FLNB: variants seen among roughly 807,000 people sequenced by gnomAD.
FLNB encodes filamin-B.
A neutral mutation model predicts 250.6 loss-of-function variants in FLNB; 111 were observed. That is an observed-to-expected ratio of 0.44 (90% confidence interval 0.38 to 0.52). FLNB has a LOEUF of 0.52. FLNB is among the 20% of genes least tolerant of loss of function. The pLI is 0.00. For synonymous variants in FLNB, 1,302 were observed against 1,372.1 expected (o/e 0.95, Z 1.13); for missense variants, 2,869 against 3,447.8 (o/e 0.83, Z 4.20).
intron 43 of FLNB, chr3:58,165,163 G>A (rs2097368299): frequency 6.6e-6 from 1 of 152,354 alleles, no homozygotes; most frequent in African/African-American, 2.4e-5. Context: ...CAGCTGCTGG[G>A]GTCTCCCACA....
At chr3:58,145,884 T>C (rs1205522851) in intron 32 of FLNB, 37 bp from the exon 33 acceptor site, 19 of 1,613,792 alleles carry the variant, frequency 1.2e-5, no homozygotes, top group Admixed American at 1.7e-5. Flanking sequence ...CACCCCTTAA[T>C]GAGCACCAAT....
rs777069691 is a variant in FLNB at position 58,168,584 on chromosome 3, G to A, written c.7343G>A (p.Gly2448Asp). The A allele has an allele frequency of 1.2e-6, 2 of 1,614,198 alleles. No individual in the cohort carries two copies. The highest frequency in any genetic ancestry group is 2.2e-5 in the South Asian group (2 of 91,074). Reference sequence around the variant, plus strand: ...GTCATGTACACCCCCATGGCTCCTGGTAACTACCTGATCAGCGTCAAATAC... The same window carrying A: ...GTCATGTACACCCCCATGGCTCCTGATAACTACCTGATCAGCGTCAAATAC... ...YKVMYTPMAPGNYLISVKYGG... is the reference protein window; with the variant it reads ...YKVMYTPMAPDNYLISVKYGG... Residue 2448 changes from glycine to aspartate, a missense_variant, in exon 44 of 46, where the codon GGT becomes GAT. Physicochemically the swap from Gly to Asp is moderately conservative, Grantham distance 94. This residue lies in a region of FLNB where 1,084 missense variants were observed against 1,315.5 expected (regional missense o/e 0.82). Coordinates refer to ENST00000295956, the MANE Select transcript of FLNB (RefSeq NM_001457.4).
intron 34 of FLNB, among the ~76,000 whole-genome samples, chr3:58,147,219 T>G (rs768002516): frequency 6.6e-6 from 1 of 152,232 alleles, no homozygotes. Context: ...GGAGCACACT[T>G]TTATTGTGCC....
At chr3:58,103,265 G>GGGGTGTGT (rs1553696877) in intron 9 of FLNB, among the ~76,000 whole-genome samples, 197 of 148,172 alleles carry the variant, frequency 1.3e-3, no homozygotes, top group African/African-American at 4.7e-3. Context: ...AGCCAAGGAG[G>GGGGTGTGT]GTGTGTGTGT....
intron 1 of FLNB, among the ~76,000 whole-genome samples, chr3:58,023,102 G>A (rs1232729516): frequency 1.5e-5 from 2 of 132,588 alleles, no homozygotes; most frequent in African/African-American, 2.9e-5. Context: ...TTGAGCCACC[G>A]AACTCGGCCT....
intron 33 of FLNB, 29 bp downstream of exon 33, chr3:58,146,078 C>T (rs748050989): frequency 1.2e-6 from 2 of 1,613,926 alleles, no homozygotes; most frequent in South Asian, 2.2e-5. Context: ...GTTTATACGC[C>T]TCCAGCTGTC....
Position 58,130,857 on chromosome 3 carries a change from A to G in FLNB, c.4339A>G (p.Ser1447Gly). The G allele has an allele frequency of 1.2e-6, 2 of 1,613,326 alleles. No homozygotes were observed. Among genetic ancestry groups the G allele is most frequent in the Non-Finnish European group, 1.7e-6 (2 of 1,179,820 alleles). Residue 1447 changes from serine (S) to glycine (G), a missense_variant, in exon 25 of 46, where the codon AGC (serine) becomes GGC (glycine). By Grantham distance (56) the Ser-to-Gly change is moderately conservative. This residue lies in a region of FLNB where 1,348 missense variants were observed against 1,466.7 expected (regional missense o/e 0.92). Coordinates refer to ENST00000295956, the MANE Select transcript of FLNB (RefSeq NM_001457.4). ...TGTCCTGCAGTCCTTCACGGTGGAC[A>G]GCAGCAAGGCTGGCCTGGCTCCGCT... is the stretch of plus-strand genomic sequence containing the variant. ...ARVLQSFTVD[S>G]SKAGLAPLEV...
chr3:58,102,175 T>G (rs763686306), intron 8 of FLNB, 28 bp from the exon 9 acceptor site: 1 of 1,613,980 alleles, frequency 6.2e-7, no homozygotes, highest in Non-Finnish European at 8.5e-7. Context: ...AATGAAAGAT[T>G]GAATTGATGT....
intron 2 of FLNB, chr3:58,078,510 A>G (rs1373712563): frequency 6.5e-7 from 1 of 1,536,338 alleles, no homozygotes; most frequent in African/African-American, 1.4e-5. Flanking sequence ...CACCCGGAGG[A>G]GAAGTCTCAG....
rs367954179 is a variant in FLNB, at chr3:58,126,926, AG to A, written c.4222+165del. 6.6e-3 allele frequency among the ~76,000 whole-genome samples: 1,012 copies of A among 152,338 alleles called. 8 individuals are homozygous for A. Among genetic ancestry groups the A allele is most frequent in the African/African-American group, 0.023 (964 of 41,574 alleles). ...CATCTCCAAGATTATCTCAACTCCC[AG>A]TAGAACCGGTAACATGGCAAAAAGC... On this transcript the variant is annotated intron_variant, in intron 24 of 45. Coordinates refer to ENST00000295956, the MANE Select transcript of FLNB (RefSeq NM_001457.4).
intron 1 of FLNB, among the ~76,000 whole-genome samples, chr3:58,028,393 T>A (rs1032466057): frequency 2.3e-4 from 35 of 152,150 alleles, no homozygotes; most frequent in South Asian, 1.0e-3. Context: ...GAATTTTTTT[T>A]AATTTAAATT....
Position 58,100,223 on chromosome 3 carries a change from T to G in FLNB, c.1345+1315T>G, listed in dbSNP as rs143648979. ...TTGAATAGCTTTCCTAATTCTACTA[T>G]TGTTTTCCAACCTTTCCTCACTCGT... On this transcript the variant is annotated intron_variant, in intron 8 of 45. Coordinates refer to ENST00000295956, the MANE Select transcript of FLNB (RefSeq NM_001457.4). Among the ~76,000 whole-genome samples the G allele has an allele frequency of 4.8e-3, 729 of 152,122 alleles. 3 individuals carry two copies. Among genetic ancestry groups the G allele is most frequent in the Admixed American group, 7.8e-3 (119 of 15,268 alleles).
In FLNB at chr3:58,008,428, G is replaced by C; in HGVS notation, c.-137G>C. On this transcript the variant is annotated 5_prime_UTR_variant, in exon 1 of 46. Coordinates refer to ENST00000295956, the MANE Select transcript of FLNB (RefSeq NM_001457.4). ...GCCAGGGGCGGGCGGCCGCAGAGCA[G>C]CACCGGCCGTGGCTCCGGTAGCAGC... 3 of 1,057,364 alleles carry C rather than the reference G, an allele frequency of 2.8e-6. No homozygotes were observed. Among genetic ancestry groups the C allele is most frequent in the Non-Finnish European group, 4.2e-6 (3 of 721,452 alleles). The allele number at this position is 1,057,364 out of a possible 1,614,324, so 65.5% of individuals were successfully genotyped here. A position where few individuals can be genotyped will look rare whatever the true frequency, so the allele number is the denominator to read the frequency against.
At chr3:58,087,796 A>G (rs2097219602) in intron 4 of FLNB, among the ~76,000 whole-genome samples, 1 of 150,728 alleles carries the variant, frequency 6.6e-6, no homozygotes, top group South Asian at 2.1e-4. Flanking sequence ...GCTGGAGTGC[A>G]ATGGCACGAT....
intron 1 of FLNB, among the ~76,000 whole-genome samples, chr3:58,076,389 T>C (rs1161152528): frequency 1.3e-5 from 2 of 152,224 alleles, no homozygotes; most frequent in Non-Finnish European, 2.9e-5. Flanking sequence ...GGCTGTATAC[T>C]ACCAGTTTAG....
At chr3:58,028,616 CTTT>C (rs58801511) in intron 1 of FLNB, among the ~76,000 whole-genome samples, 3 of 139,152 alleles carry the variant, frequency 2.2e-5, no homozygotes, top group African/African-American at 2.6e-5. Flanking sequence ...TTTTTCTTTT[CTTT>C]TTTTTTTTTT....
intron 24 of FLNB, 140 bp from the exon 25 acceptor site, chr3:58,130,601 A>G: frequency 1.4e-6 from 1 of 729,958 alleles, no homozygotes; most frequent in Non-Finnish European, 2.4e-6. Flanking sequence ...GCACATGAGC[A>G]GTGCACACAG....
rs201848913 is a variant in FLNB, at chr3:58,138,387, A to G, written c.4967A>G (p.Asp1656Gly). 6.2e-7 allele frequency: 1 copy of G among 1,614,258 alleles called. No individual in the cohort carries two copies. Among genetic ancestry groups the G allele is most frequent in the East Asian group, 2.2e-5 (1 of 44,888 alleles). The change falls in exon 29 of 46, where the codon GAT (aspartate) becomes GGT (glycine). Residue 1656 changes from aspartate to glycine, a missense_variant. Physicochemically the swap from Asp to Gly is moderately conservative, Grantham distance 94. Coordinates refer to ENST00000295956, the MANE Select transcript of FLNB (RefSeq NM_001457.4). ...GTGACCTGCACGGTTCTGACCCCAG[A>G]TGGCACTGAGGCCGAGGCCGATGTC... ...GKVTCTVLTP[D>G]GTEAEADVIE...
chr3:58,100,116 TC>T (rs1326423685), intron 8 of FLNB, among the ~76,000 whole-genome samples: 3 of 151,694 alleles, frequency 2.0e-5, no homozygotes, highest in Non-Finnish European at 4.4e-5. Flanking sequence ...GACCAACTTT[TC>T]TCCCCTTGAC....
Sources: allele counts gnomAD v4.1 joint callset (sites outside exome capture counted in the v4.1 genomes callset), GRCh38; gene constraint gnomAD v4.1.1; regional missense constraint gnomAD v4.1.1; transcripts MANE v1.5; gene names NCBI Gene and HGNC (gene_info 2026-07-23, HGNC 2026-07-21).